The following PCDHA8 variants were observed in gnomAD, a reference collection of about 807,000 sequenced individuals.
PCDHA8 encodes the protein protocadherin alpha-8.
Under a neutral mutation model 61.8 loss-of-function variants are expected in PCDHA8, and 53 were observed. The observed-to-expected ratio is 0.86, with a 90% CI of 0.69 to 1.08. The LOEUF is 1.08. Ranked by LOEUF, PCDHA8 falls within the 50% of genes least tolerant of loss-of-function variation. The pLI, the probability that PCDHA8 is intolerant of heterozygous loss-of-function variation, is 0.00. For synonymous variants in PCDHA8, 618 were observed against 556.6 expected (o/e 1.11, Z -1.55); for missense variants, 1,293 against 1,245.0 (o/e 1.04, Z -0.58).
chr5:140,903,768 T>C (rs1211667697), intron 1 of PCDHA8, among the ~76,000 whole-genome samples: 1 of 152,212 alleles, frequency 6.6e-6, no homozygotes, highest in Non-Finnish European at 1.5e-5. Flanking sequence ...TGCTGAACTT[T>C]TCTATCCATA....
chr5:140,967,998 G>A lies in PCDHA8; in HGVS notation c.2395-10951G>A, dbSNP rs1554230183. The A allele has an allele frequency of 1.9e-6, 3 of 1,614,040 alleles. No individual in the cohort carries two copies. Among genetic ancestry groups the A allele is most frequent in the African/African-American group, 1.3e-5 (1 of 74,916 alleles). The stretch of plus-strand genomic sequence containing the variant: ...GGTCTGGAGGCCACACTGCCTTTCC[G>A]ACTGAATGGCTTTGGAAACTCCTAT... On this transcript the variant is annotated intron_variant, in intron 1 of 3. Transcript: ENST00000531613.
In PCDHA8 at chr5:140,842,585, G is replaced by T; in HGVS notation, c.1264G>T (p.Glu422Ter). Residue 422 changes from glutamate to a stop codon, truncating the protein, a stop_gained, in exon 1 of 4, where the codon GAG becomes TAG. Transcript: ENST00000531613. LOFTEE classifies it high-confidence loss of function. ...ALDRERVSAY[E>*]LVVTARDGGS... ...GGACCGCGAGAGAGTGTCGGCCTATGAGTTGGTGGTAACCGCGCGGGACGG... is the reference window on the plus strand; with the variant it reads ...GGACCGCGAGAGAGTGTCGGCCTATTAGTTGGTGGTAACCGCGCGGGACGG... The T allele has an allele frequency of 6.3e-7, 1 of 1,596,296 alleles. No homozygotes were observed. Among genetic ancestry groups the T allele is most frequent in the East Asian group, 2.2e-5 (1 of 44,816 alleles).
intron 3 of PCDHA8, among the ~76,000 whole-genome samples, chr5:140,989,274 G>A (rs3756325): frequency 0.3 from 45,270 of 152,016 alleles, 6,976 homozygotes; most frequent in East Asian, 0.43. Flanking sequence ...GTTTCTGCTG[G>A]GGACATCTCA....
rs145968482 is a variant in PCDHA8, at chr5:140,977,336, C to G, written c.2395-1613C>G. Among the ~76,000 whole-genome samples, 133 of 152,262 alleles carry G rather than the reference C, an allele frequency of 8.7e-4. 2 individuals carry two copies. The highest frequency in any genetic ancestry group is 3.9e-4 in the East Asian group (2 of 5,188). On this transcript the variant is annotated intron_variant, in intron 1 of 3. Coordinates refer to ENST00000531613, the MANE Select transcript of PCDHA8 (RefSeq NM_018911.3). Reference sequence around the variant, plus strand: ...GTGCTCCTGATGGCGAGGGGAGAGACGGTGATGATGACTGATTGATAAAAA... The same window carrying G: ...GTGCTCCTGATGGCGAGGGGAGAGAGGGTGATGATGACTGATTGATAAAAA...
At chr5:140,908,073 G>A (rs2153503880) in intron 1 of PCDHA8, among the ~76,000 whole-genome samples, 1 of 152,322 alleles carries the variant, frequency 6.6e-6, no homozygotes, top group Admixed American at 6.5e-5. Context: ...CATGAAAAGT[G>A]CACAACCAGG....
Position 140,841,227 on chromosome 5 carries a change from G to C in PCDHA8, c.-95G>C, listed in dbSNP as rs1468435006. The C allele has an allele frequency of 2.1e-6, 3 of 1,454,606 alleles. No homozygotes were observed. The African/African-American group carries it at 4.3e-5, about 21-fold the overall frequency. The allele number at this position is 1,454,606 out of a possible 1,614,324, so 90.1% of individuals were successfully genotyped here. On this transcript the variant is annotated 5_prime_UTR_variant, in exon 1 of 4. Transcript: ENST00000531613. The stretch of plus-strand genomic sequence containing the variant: ...ATCTGTCTCTAAAGGCCGAACAACG[G>C]GAGATGCAGCGGAATTGGATTAAAA...
At chr5:140,871,376 G>GCT (rs782235924) in intron 1 of PCDHA8, 26 of 1,614,078 alleles carry the variant, frequency 1.6e-5, no homozygotes, top group South Asian at 1.4e-4. Flanking sequence ...CAGAGGGTGT[G>GCT]CTCTGAGGAG....
chr5:140,968,741 A>T, intron 1 of PCDHA8: 1 of 1,614,106 alleles, frequency 6.2e-7, no homozygotes, highest in Non-Finnish European at 8.5e-7. Context: ...TTTCAACCTG[A>T]CCGTGGTGGT....
chr5:141,004,632 GA>G (rs1401867459), intron 3 of PCDHA8, among the ~76,000 whole-genome samples: 19 of 152,200 alleles, frequency 1.2e-4, no homozygotes, highest in African/African-American at 3.4e-4. Context: ...TATGGTTGAA[GA>G]AAAATTTCCA....
At chr5:141,004,179 G>A (rs2098156608) in intron 3 of PCDHA8, among the ~76,000 whole-genome samples, 1 of 152,206 alleles carries the variant, frequency 6.6e-6, no homozygotes, top group Non-Finnish European at 1.5e-5. Flanking sequence ...CAAGTGTCTT[G>A]AGTGCTCTTA....
intron 1 of PCDHA8, among the ~76,000 whole-genome samples, chr5:140,899,914 C>A (rs1408569942): frequency 2.0e-5 from 3 of 151,952 alleles, no homozygotes; most frequent in Admixed American, 6.6e-5. Flanking sequence ...CTCAAGCAAT[C>A]CTCCTGCCTC....
At chr5:140,980,515 A>G (rs779201653) in intron 2 of PCDHA8, among the ~76,000 whole-genome samples, 18 of 152,182 alleles carry the variant, frequency 1.2e-4, no homozygotes, top group Non-Finnish European at 2.5e-4. Flanking sequence ...CTGTAGTTCC[A>G]GCTACTAGGG....
At chr5:140,881,867 G>A (rs2058853547) in intron 1 of PCDHA8, among the ~76,000 whole-genome samples, 1 of 152,166 alleles carries the variant, frequency 6.6e-6, no homozygotes, top group Non-Finnish European at 1.5e-5. Flanking sequence ...TAAATTTGTG[G>A]CAAAATGAAA....
chr5:140,856,859 G>A, intron 1 of PCDHA8: 1 of 1,594,674 alleles, frequency 6.3e-7, no homozygotes, highest in African/African-American at 1.3e-5. Flanking sequence ...TTCGGATGAA[G>A]GAATAAACAA....
At chr5:140,935,796 G>A (rs2090564598) in intron 1 of PCDHA8, among the ~76,000 whole-genome samples, 2 of 150,224 alleles carry the variant, frequency 1.3e-5, no homozygotes, top group African/African-American at 2.5e-5. Flanking sequence ...AAATATAAAC[G>A]AGATTATTTC....
chr5:140,875,579 A>G (rs552791418), intron 1 of PCDHA8: 3 of 1,614,050 alleles, frequency 1.9e-6, no homozygotes, highest in Non-Finnish European at 2.5e-6. Context: ...TACTCCGTCT[A>G]CGAGGAGGCC....
intron 1 of PCDHA8, among the ~76,000 whole-genome samples, chr5:140,922,731 T>A (rs59295733): frequency 0.057 from 8,631 of 152,032 alleles, 722 homozygotes; most frequent in African/African-American, 0.19. Flanking sequence ...CTTGACAAGG[T>A]TGAGAAAAAT....
rs186453463 is a variant in PCDHA8 at position 140,951,770 on chromosome 5, C to T, written c.2395-27179C>T. On this transcript the variant is annotated intron_variant, in intron 1 of 3. Transcript: ENST00000531613. ...ACCCTCCGCGAAATCTCATGACGTT[C>T]TTACATTGCAAAATACAATTATCCC... 1.6e-3 allele frequency among the ~76,000 whole-genome samples: 247 copies of T among 152,268 alleles called. 1 individual carries two copies. The highest frequency in any genetic ancestry group is 5.5e-3 in the African/African-American group (229 of 41,576).
chr5:141,010,321 G>A lies in PCDHA8; in HGVS notation c.*384G>A. The A allele has an allele frequency of 1.3e-6, 2 of 1,541,244 alleles. No individual in the cohort carries two copies. Among genetic ancestry groups the A allele is most frequent in the South Asian group, 1.2e-5 (1 of 82,726 alleles). On this transcript the variant is annotated 3_prime_UTR_variant, in exon 4 of 4. Transcript: ENST00000531613. ...GGCTGAAAAGTTTTGAGATTGAGCA[G>A]CTTGGGAGTTTGTGGCCACTGGGTA...
Sources: gnomAD v4.1 joint callset for allele counts (sites outside exome capture counted in the v4.1 genomes callset) on GRCh38, gnomAD v4.1.1 for gene constraint, MANE v1.5 for transcripts, NCBI Gene and HGNC (gene_info 2026-07-23, HGNC 2026-07-21) for gene names.